The following TRIQK variants were observed in gnomAD, a reference collection of about 807,000 sequenced individuals.
TRIQK encodes triple QxxK/R motif-containing protein.
A neutral mutation model predicts 10.8 loss-of-function variants in TRIQK; 10 were observed. The ratio of observed to expected loss-of-function variants is 0.92; its 90% CI spans 0.57 to 1.57. The LOEUF (loss-of-function observed/expected upper bound fraction) is 1.57, where lower values mean the gene tolerates loss of function less well. Ranked by LOEUF, TRIQK falls within the 40% of genes most tolerant of loss-of-function variation. The pLI is 0.00. For missense variants in TRIQK, 107 were observed against 97.7 expected (o/e 1.09, Z -0.40); for synonymous variants, 33 against 33.7 (o/e 0.98, Z 0.07).
At chr8:92,967,536 G>A (rs745505337), upstream of TRIQK, among the ~76,000 whole-genome samples, 7 of 152,032 alleles carry the variant, frequency 4.6e-5, no homozygotes, top group Middle Eastern at 3.4e-3. Flanking sequence ...AAAATATTTG[G>A]TTTGGCCAGG....
At chr8:92,988,199 G>A (rs1813057722) in intron 1 of TRIQK, among the ~76,000 whole-genome samples, 1 of 151,084 alleles carries the variant, frequency 6.6e-6, no homozygotes. Context: ...TGTATTTTTA[G>A]TAGAGACGTG....
intron 3 of TRIQK, among the ~76,000 whole-genome samples, chr8:92,904,643 G>A (rs1218089300): frequency 6.6e-6 from 1 of 152,034 alleles, no homozygotes; most frequent in Admixed American, 6.6e-5. Flanking sequence ...TTACTGGAAA[G>A]GACAGCAGTA....
intron 3 of TRIQK, among the ~76,000 whole-genome samples, chr8:92,897,072 G>A (rs542764808): frequency 1.4e-4 from 22 of 152,000 alleles, no homozygotes; most frequent in South Asian, 1.2e-3. Context: ...CCACCTCGGC[G>A]TCCCAAAGTG....
intron 1 of TRIQK, among the ~76,000 whole-genome samples, chr8:92,983,093 T>C (rs1205643209): frequency 3.3e-5 from 5 of 152,010 alleles, no homozygotes; most frequent in African/African-American, 7.2e-5. Context: ...ATGGTAGAAA[T>C]TGTATATTTT....
chr8:92,969,725 G>A (rs760615844), upstream of TRIQK, among the ~76,000 whole-genome samples: 1 of 151,894 alleles, frequency 6.6e-6, no homozygotes, highest in East Asian at 1.9e-4. Context: ...TTGAAAGAAA[G>A]GTGTTAAATC....
intron 2 of TRIQK, among the ~76,000 whole-genome samples, chr8:92,921,016 G>A (rs751658868): frequency 3.3e-5 from 5 of 151,734 alleles, no homozygotes; most frequent in Non-Finnish European, 5.9e-5. Context: ...GATCTTCTCA[G>A]TGGTCTCGTG....
chr8:93,000,927 C>T (rs1461965167), intron 1 of TRIQK, among the ~76,000 whole-genome samples: 6 of 141,150 alleles, frequency 4.3e-5, no homozygotes. Flanking sequence ...AGCTACAAAA[C>T]AATCAGAAAC....
At chr8:92,995,538 T>C (rs916846444) in intron 1 of TRIQK, among the ~76,000 whole-genome samples, 1 of 152,046 alleles carries the variant, frequency 6.6e-6, no homozygotes, top group African/African-American at 2.4e-5. Context: ...TTTTTATCAT[T>C]TATCTTATTT....
At chr8:92,903,596 A>G (rs975884239) in intron 3 of TRIQK, among the ~76,000 whole-genome samples, 1 of 152,136 alleles carries the variant, frequency 6.6e-6, no homozygotes, top group Admixed American at 6.6e-5. Context: ...GGTGCCTGTG[A>G]TTCTGTTGCA....
intron 2 of TRIQK, among the ~76,000 whole-genome samples, chr8:92,940,005 C>CCA (rs1338472776): frequency 6.6e-6 from 1 of 152,074 alleles, no homozygotes; most frequent in African/African-American, 2.4e-5. Context: ...ACTGCAGTAC[C>CCA]CAGCCAGCAG....
chr8:92,968,171 T>A (rs1812836457), upstream of TRIQK, among the ~76,000 whole-genome samples: 1 of 152,242 alleles, frequency 6.6e-6, no homozygotes. Flanking sequence ...ATGGTGTATA[T>A]GTGCCACATT....
intron 1 of TRIQK, 137 bp downstream of exon 1, chr8:92,965,870 G>A (rs1206047302): frequency 6.5e-6 from 1 of 152,694 alleles, no homozygotes; most frequent in African/African-American, 2.4e-5. Context: ...GCCCCACCAA[G>A]TGCCGCTCCC....
chr8:92,935,512 GA>G (rs1337379158), intron 2 of TRIQK, among the ~76,000 whole-genome samples: 25 of 151,094 alleles, frequency 1.7e-4, no homozygotes, highest in Non-Finnish European at 2.4e-4. Context: ...GCACAAATTA[GA>G]AAAGACAAAA....
upstream of TRIQK, among the ~76,000 whole-genome samples, chr8:92,969,446 G>A (rs1383623073): frequency 6.6e-6 from 1 of 151,382 alleles, no homozygotes; most frequent in African/African-American, 2.4e-5. Flanking sequence ...CCCAACATAT[G>A]GTTTATCTTT....
intron 1 of TRIQK, among the ~76,000 whole-genome samples, chr8:92,960,910 T>C (rs943554851): frequency 6.6e-6 from 1 of 152,222 alleles, no homozygotes; most frequent in Non-Finnish European, 1.5e-5. Context: ...ACAAAACTGA[T>C]ACGGCTCTCA....
intron 1 of TRIQK, among the ~76,000 whole-genome samples, chr8:93,007,624 A>G (rs1466365939): frequency 2.0e-5 from 3 of 152,210 alleles, no homozygotes; most frequent in Non-Finnish European, 2.9e-5. Context: ...AAAAGCTAAG[A>G]ACCATGATAA....
intron 2 of TRIQK, among the ~76,000 whole-genome samples, chr8:92,950,625 C>T (rs575701282): frequency 9.1e-4 from 139 of 152,208 alleles, no homozygotes; most frequent in African/African-American, 3.1e-3. Context: ...GTTCCTCTTA[C>T]TAGAGCAATA....
intron 2 of TRIQK, among the ~76,000 whole-genome samples, chr8:92,937,583 GT>G (rs71275489): frequency 0.78 from 112,842 of 145,586 alleles, 44,002 homozygotes; most frequent in Middle Eastern, 0.88. Flanking sequence ...CATCTTCTTT[GT>G]TTTTTTTTTT....
intron 1 of TRIQK, among the ~76,000 whole-genome samples, chr8:93,001,313 A>G (rs1813208961): frequency 6.6e-6 from 1 of 152,012 alleles, no homozygotes; most frequent in African/African-American, 2.4e-5. Flanking sequence ...CTCAAAAAAA[A>G]AAAAAAAAAT....
Sources: allele counts gnomAD v4.1 joint callset (sites outside exome capture counted in the v4.1 genomes callset), GRCh38; gene constraint gnomAD v4.1.1; transcripts MANE v1.5; gene names NCBI Gene and HGNC (gene_info 2026-07-23, HGNC 2026-07-21).